ASXL2: variants seen among roughly 807,000 people sequenced by gnomAD.
The protein encoded by ASXL2 is ASXL transcriptional regulator 2.
In ASXL2, 23 loss-of-function variants were observed where a neutral mutation model predicts 122.0. The observed-to-expected ratio is 0.19, with a 90% CI of 0.14 to 0.27. The LOEUF is 0.27. Among genes scored for constraint, ASXL2 ranks in the 10% least tolerant of loss-of-function variants. The pLI, the probability that ASXL2 is intolerant of heterozygous loss-of-function variation, is 1.00. For synonymous variants in ASXL2, 650 were observed against 637.0 expected (o/e 1.02, Z -0.31); for missense variants, 1,518 against 1,713.8 (o/e 0.89, Z 2.02).
At chr2:25,754,091 G>A (rs1048685065) in intron 10 of ASXL2, among the ~76,000 whole-genome samples, 2 of 152,130 alleles carry the variant, frequency 1.3e-5, no homozygotes, top group Non-Finnish European at 2.9e-5. Flanking sequence ...ACTGCATAAA[G>A]AAAAGCTATG....
At chr2:25,850,838 A>T (rs1205836736) in intron 1 of ASXL2, among the ~76,000 whole-genome samples, 1 of 152,190 alleles carries the variant, frequency 6.6e-6, no homozygotes, top group Non-Finnish European at 1.5e-5. Context: ...TACCCGAGGT[A>T]CAATTCATAT....
chr2:25,813,803 C>A (rs778064213), intron 3 of ASXL2, among the ~76,000 whole-genome samples: 5 of 152,328 alleles, frequency 3.3e-5, no homozygotes, highest in South Asian at 2.1e-4. Context: ...GTAATCCCAG[C>A]ACTTTGGGAG....
In ASXL2 at chr2:25,799,449, G is replaced by C. The variant is rs553974689; in HGVS notation, c.339C>G (p.Asn113Lys). 2.0e-5 allele frequency: 32 copies of C among 1,613,904 alleles called. No individual in the cohort carries two copies. In the East Asian group the frequency reaches 6.9e-4, roughly 35 times the overall value. ...DGQSDSQSSENSSSSSDGGSN... is the reference protein window; with the variant it reads ...DGQSDSQSSEKSSSSSDGGSN... ...TGCCACCATCACTGCTGCTGCTGCT[G>C]TTCTCAGAACTCTGGGAATCTGACT... Residue 113 changes from asparagine (N) to lysine (K), a missense_variant, in exon 5 of 13, where the codon AAC becomes AAG. Asn to Lys is a moderately conservative substitution (Grantham distance 94). Coordinates refer to ENST00000435504, the MANE Select transcript of ASXL2 (RefSeq NM_018263.6).
At chr2:25,877,490 G>A (rs543696386) in intron 1 of ASXL2, among the ~76,000 whole-genome samples, 1 of 152,058 alleles carries the variant, frequency 6.6e-6, no homozygotes, top group Admixed American at 6.6e-5. Context: ...CGTGAAGGCC[G>A]GGTAAACTAC....
intron 1 of ASXL2, among the ~76,000 whole-genome samples, chr2:25,865,519 G>A (rs2089892371): frequency 6.6e-6 from 1 of 151,660 alleles, no homozygotes; most frequent in African/African-American, 2.4e-5. Flanking sequence ...TGTAATCCCA[G>A]CACTTTGGGA....
At chr2:25,778,246 A>G (rs1445056970) in intron 5 of ASXL2, among the ~76,000 whole-genome samples, 1 of 152,232 alleles carries the variant, frequency 6.6e-6, no homozygotes, top group Non-Finnish European at 1.5e-5. Flanking sequence ...GATTATCCAA[A>G]TGGATCCTAA....
intron 2 of ASXL2, among the ~76,000 whole-genome samples, chr2:25,840,391 A>T (rs187074975): frequency 8.5e-5 from 13 of 152,322 alleles, no homozygotes; most frequent in African/African-American, 3.1e-4. Context: ...ATAACATAAA[A>T]GTTACCATTT....
At chr2:25,799,885 C>T (rs34946160) in intron 4 of ASXL2, among the ~76,000 whole-genome samples, 38,416 of 151,198 alleles carry the variant, frequency 0.25, 5,102 homozygotes, top group Non-Finnish European at 0.29. Flanking sequence ...TGGTTCACAC[C>T]TGTAATGCTA....
intron 2 of ASXL2, among the ~76,000 whole-genome samples, chr2:25,842,068 C>T (rs778338587): frequency 2.0e-4 from 30 of 150,098 alleles, no homozygotes; most frequent in African/African-American, 4.4e-4. Context: ...GCTGAGATCG[C>T]GCCACTGCAC....
chr2:25,753,472 A>C, intron 11 of ASXL2, 62 bp downstream of exon 11: 1 of 1,178,778 alleles, frequency 8.5e-7, no homozygotes, highest in South Asian at 1.6e-5. Context: ...AATGAGATAA[A>C]GCACTACATG....
chr2:25,825,833 T>A (rs2089368618), intron 3 of ASXL2, among the ~76,000 whole-genome samples: 1 of 152,184 alleles, frequency 6.6e-6, no homozygotes. Context: ...TAAAATAAAA[T>A]CCTACAACTT....
intron 3 of ASXL2, among the ~76,000 whole-genome samples, chr2:25,827,437 T>A (rs2089390867): frequency 6.6e-6 from 1 of 152,182 alleles, no homozygotes; most frequent in African/African-American, 2.4e-5. Flanking sequence ...TAGTCTTGGT[T>A]GATTTTAGAT....
At chr2:25,806,513 G>A (rs1246642165) in intron 3 of ASXL2, among the ~76,000 whole-genome samples, 176 bp from the exon 4 acceptor site, 2 of 152,226 alleles carry the variant, frequency 1.3e-5, no homozygotes, top group African/African-American at 4.8e-5. Context: ...GAAAATGGAT[G>A]TAAAAATCAT....
At chr2:25,837,614 G>A (rs377610807) in intron 2 of ASXL2, among the ~76,000 whole-genome samples, 3 of 152,130 alleles carry the variant, frequency 2.0e-5, no homozygotes, top group East Asian at 1.9e-4. Context: ...CAGTTTGGGA[G>A]GCCAAGGTGG....
chr2:25,794,726 A>C (rs1405255922), intron 5 of ASXL2, among the ~76,000 whole-genome samples: 3 of 152,202 alleles, frequency 2.0e-5, no homozygotes, highest in Non-Finnish European at 4.4e-5. Flanking sequence ...TTTTGTACAT[A>C]AAAGGAAGTG....
At chr2:25,870,842 A>G (rs1224083208) in intron 1 of ASXL2, among the ~76,000 whole-genome samples, 1 of 152,216 alleles carries the variant, frequency 6.6e-6, no homozygotes, top group Non-Finnish European at 1.5e-5. Flanking sequence ...ATATTTAACT[A>G]TCAACCAGAG....
intron 2 of ASXL2, among the ~76,000 whole-genome samples, chr2:25,842,703 T>TAGATAG (rs370955065): frequency 2.0e-5 from 3 of 150,174 alleles, no homozygotes; most frequent in African/African-American, 7.3e-5. Flanking sequence ...TATATATATA[T>TAGATAG]ATAGATAGAT....
chr2:25,853,406 T>C (rs1250727462), intron 1 of ASXL2, among the ~76,000 whole-genome samples: 1 of 152,218 alleles, frequency 6.6e-6, no homozygotes, highest in Non-Finnish European at 1.5e-5. Context: ...TGAGATGCAC[T>C]TTTCTGTTCA....
At chr2:25,834,220 G>T (rs1274170959) in intron 3 of ASXL2, among the ~76,000 whole-genome samples, 1 of 151,972 alleles carries the variant, frequency 6.6e-6, no homozygotes, top group Non-Finnish European at 1.5e-5. Context: ...GGGGTTGGTG[G>T]CAGGCACCTG....
Sources: allele counts gnomAD v4.1 joint callset (sites outside exome capture counted in the v4.1 genomes callset), GRCh38; gene constraint gnomAD v4.1.1; transcripts MANE v1.5; gene names NCBI Gene and HGNC (gene_info 2026-07-23, HGNC 2026-07-21).